The following C10orf95 variants were observed in gnomAD, a reference collection of about 807,000 sequenced individuals.
C10orf95 encodes the protein chromosome 10 open reading frame 95, also known as uncharacterized protein C10orf95.
For missense variants in C10orf95, 412 were observed against 327.4 expected (o/e 1.26, Z -1.99); for synonymous variants, 188 against 160.4 (o/e 1.17, Z -1.30).
In C10orf95 at chr10:102,449,948, T is replaced by C. The variant is rs1001645490; in HGVS notation, c.*504A>G. On this transcript the variant is annotated 3_prime_UTR_variant, in exon 2 of 2. Coordinates refer to ENST00000625129, the MANE Select transcript of C10orf95 (RefSeq NM_001363580.1). The stretch of plus-strand genomic sequence containing the variant: ...CAGTGCTGGGATTCCAGGCGTGAGC[T>C]ACCGCGCCCGGCCTATTTACTTTTC... 6.6e-5 allele frequency: 14 copies of C among 212,272 alleles called. No homozygotes were observed. Among genetic ancestry groups the C allele is most frequent in the Non-Finnish European group, 1.2e-4 (12 of 99,114 alleles). The allele number at this position is 212,272 out of a possible 1,614,324, so 13.1% of individuals were successfully genotyped here.
rs2061687952 is a variant in C10orf95 at position 102,450,855 on chromosome 10, G to C, written c.239C>G (p.Ala80Gly). Reference protein sequence around the residue: ...AAPPWWACPPAYATTLRRPCA... With the variant: ...AAPPWWACPPGYATTLRRPCA... The stretch of plus-strand genomic sequence containing the variant: ...GGGCCGGCGCAGGGTCGTGGCGTAG[G>C]CCGGAGGGCAGGCCCACCAGGGCGG... Residue 80 changes from alanine to glycine, a missense_variant, in exon 2 of 2, where the codon GCC (alanine) becomes GGC (glycine). By Grantham distance (60) the Ala-to-Gly change is moderately conservative. Coordinates refer to ENST00000625129, the MANE Select transcript of C10orf95 (RefSeq NM_001363580.1). The C allele has an allele frequency of 8.1e-7, 1 of 1,235,718 alleles. No individual in the cohort carries two copies. The highest frequency in any genetic ancestry group is 4.2e-5 in the Admixed American group (1 of 23,562). The allele number at this position is 1,235,718 out of a possible 1,614,324, so 76.5% of individuals were successfully genotyped here.
chr10:102,451,334 A>G (rs1432681340), intron 1 of C10orf95, 52 bp downstream of exon 1: 2 of 1,547,916 alleles, frequency 1.3e-6, no homozygotes, highest in African/African-American at 2.7e-5. Flanking sequence ...GACAATAAGG[A>G]GCCTTTTCAA....
rs2061682022 is a variant in C10orf95 at position 102,450,078 on chromosome 10, G to A, written c.*374C>T. Reference sequence around the variant, plus strand: ...GACGACTCTGATAGAGGGAAAAGAGGAAGGGAAAGTTGGGGCTTACTGCAG... The same window carrying A: ...GACGACTCTGATAGAGGGAAAAGAGAAAGGGAAAGTTGGGGCTTACTGCAG... On this transcript the variant is annotated 3_prime_UTR_variant, in exon 2 of 2. Transcript: ENST00000625129. The A allele has an allele frequency of 3.4e-6, 1 of 294,820 alleles. No homozygotes were observed. Among genetic ancestry groups the A allele is most frequent in the Admixed American group, 4.2e-5 (1 of 24,088 alleles). 18.3% of individuals were successfully genotyped at this position (294,820 alleles called of 1,614,324 possible).
Position 102,450,421 on chromosome 10 carries a change from C to G in C10orf95, c.*31G>C, listed in dbSNP as rs1432694413. The G allele has an allele frequency of 1.3e-6, 2 of 1,527,606 alleles. No individual in the cohort carries two copies. The highest frequency in any genetic ancestry group is 2.0e-5 in the Admixed American group (1 of 50,726). The allele number at this position is 1,527,606 out of a possible 1,614,324, so 94.6% of individuals were successfully genotyped here. ...CACAGGAAAGAGCCAAGCGCGTGCA[C>G]GCGGGCCCGCCCCTAGGCCTTGCGG... is the stretch of plus-strand genomic sequence containing the variant. On this transcript the variant is annotated 3_prime_UTR_variant, in exon 2 of 2. Transcript: ENST00000625129.
chr10:102,451,378 C>A lies in C10orf95; in HGVS notation c.-55+8G>T. ...CCGGGATGCTCTTCCCAGTGACTCC[C>A]CACTCACTTGTCTCCTTCAGCCTTG... On this transcript the variant is annotated splice_region_variant and intron_variant, in intron 1 of 1. Coordinates refer to ENST00000625129, the MANE Select transcript of C10orf95 (RefSeq NM_001363580.1). The A allele has an allele frequency of 6.4e-7, 1 of 1,554,976 alleles. No homozygotes were observed. The highest frequency in any genetic ancestry group is 8.7e-7 in the Non-Finnish European group (1 of 1,145,164).
chr10:102,451,279 C>G, intron 1 of C10orf95, 107 bp downstream of exon 1: 1 of 1,437,820 alleles, frequency 7.0e-7, no homozygotes, highest in South Asian at 1.4e-5. Flanking sequence ...AGCTCCCCGC[C>G]TAGCCTCTTG....
Position 102,450,123 on chromosome 10 carries a change from G to C in C10orf95, c.*329C>G. 2.4e-6 allele frequency: 1 copy of C among 421,554 alleles called. No homozygotes were observed. The highest frequency in any genetic ancestry group is 4.6e-6 in the Non-Finnish European group (1 of 218,370). 26.1% of individuals were successfully genotyped at this position (421,554 alleles called of 1,614,324 possible). ...CTGCAGGGCAAGCTCCTTAGGAGAA[G>C]GTGGGGAGGAGGAAGGAGGGAGGTC... On this transcript the variant is annotated 3_prime_UTR_variant, in exon 2 of 2. Transcript: ENST00000625129.
At position 102,450,476 on chromosome 10, in the gene C10orf95, G is replaced by C; in HGVS notation, c.618C>G (p.Pro206=). The part of the protein sequence containing the change: ...PAREAAERGR[P]RKSKGLS Reference sequence around the variant, plus strand: ...TTCAGCTCAGGCCCTTGCTCTTCCTGGGGCGGCCGCGCTCCGCGGCTTCCC... The same window carrying C: ...TTCAGCTCAGGCCCTTGCTCTTCCTCGGGCGGCCGCGCTCCGCGGCTTCCC... The change falls in exon 2 of 2, where the codon CCC becomes CCG. Residue 206 remains proline (P), a synonymous_variant. Transcript: ENST00000625129. 1 of 1,465,142 alleles carries C rather than the reference G, an allele frequency of 6.8e-7. No homozygotes were observed. 90.8% of individuals were successfully genotyped at this position (1,465,142 alleles called of 1,614,324 possible).
At position 102,450,265 on chromosome 10, in the gene C10orf95, G is replaced by T. The variant is rs1396696336; in HGVS notation, c.*187C>A. On this transcript the variant is annotated 3_prime_UTR_variant, in exon 2 of 2. Coordinates refer to ENST00000625129, the MANE Select transcript of C10orf95 (RefSeq NM_001363580.1). ...GCACTTGCCCTTCTCCCACCGTCCA[G>T]CAATAAAGCGAGAGAAACAAGTGCA... The T allele has an allele frequency of 1.4e-6, 1 of 728,890 alleles. No individual in the cohort carries two copies. Among genetic ancestry groups the T allele is most frequent in the Non-Finnish European group, 2.4e-6 (1 of 414,704 alleles). The allele number at this position is 728,890 out of a possible 1,614,324, so 45.2% of individuals were successfully genotyped here. A position where few individuals can be genotyped will look rare whatever the true frequency, so the allele number is the denominator to read the frequency against.
In C10orf95 at chr10:102,450,901, C is replaced by G; in HGVS notation, c.193G>C (p.Ala65Pro). 1 of 1,236,216 alleles carries G rather than the reference C, an allele frequency of 8.1e-7. No homozygotes were observed. The highest frequency in any genetic ancestry group is 1.0e-6 in the Non-Finnish European group (1 of 990,684). The allele number at this position is 1,236,216 out of a possible 1,614,324, so 76.6% of individuals were successfully genotyped here. A position where few individuals can be genotyped will look rare whatever the true frequency, so the allele number is the denominator to read the frequency against. ...GGCGGCGCGGCCTCGGGTGGCGCGG[C>G]GGGGCCGTAGAAGCGGTGGTATTCC... ...PREYHRFYGPAAPPEAAPPWW... is the reference protein window; with the variant it reads ...PREYHRFYGPPAPPEAAPPWW... Residue 65 changes from alanine to proline, a missense_variant, in exon 2 of 2, where the codon GCC (alanine) becomes CCC (proline). Transcript: ENST00000625129.
chr10:102,451,032 A>G lies in C10orf95; in HGVS notation c.62T>C (p.Leu21Pro). The G allele has an allele frequency of 1.5e-6, 2 of 1,360,938 alleles. No individual in the cohort carries two copies. Among genetic ancestry groups the G allele is most frequent in the Middle Eastern group, 2.0e-4 (1 of 4,926 alleles). The allele number at this position is 1,360,938 out of a possible 1,614,324, so 84.3% of individuals were successfully genotyped here. The change falls in exon 2 of 2, where the codon CTC becomes CCC. Residue 21 changes from leucine to proline, a missense_variant. Leu to Pro is a moderately conservative substitution (Grantham distance 98). Coordinates refer to ENST00000625129, the MANE Select transcript of C10orf95 (RefSeq NM_001363580.1). ...AGGGGCGGCCAGGTAGGTGCAGGTGAGCAGCTGCGGCGGCGGCGGCCAGAC... is the reference window on the plus strand; with the variant it reads ...AGGGGCGGCCAGGTAGGTGCAGGTGGGCAGCTGCGGCGGCGGCGGCCAGAC... ...QGVWPPPPQL[L>P]TCTYLAAPLL...
chr10:102,450,655 G>A lies in C10orf95; in HGVS notation c.439C>T (p.Arg147Cys). 2.4e-6 allele frequency: 3 copies of A among 1,226,224 alleles called. No homozygotes were observed. The highest frequency in any genetic ancestry group is 3.0e-6 in the Non-Finnish European group (3 of 984,870). 76.0% of individuals were successfully genotyped at this position (1,226,224 alleles called of 1,614,324 possible). ...GCGCGGGGGTAGGTGCCGTACGCGC[G>A]CCGCAGCTCCCGGCGCACGAAGTCC... ...LPDFVRRELR[R>C]AYGTYPRADV... The change falls in exon 2 of 2, where the codon CGC becomes TGC. Residue 147 changes from arginine (R) to cysteine (C), a missense_variant. Arg to Cys is a radical substitution (Grantham distance 180). Transcript: ENST00000625129.
chr10:102,450,390 G>C lies in C10orf95; in HGVS notation c.*62C>G. 1.3e-6 allele frequency: 2 copies of C among 1,490,820 alleles called. No homozygotes were observed. The highest frequency in any genetic ancestry group is 1.8e-6 in the Non-Finnish European group (2 of 1,108,774). The allele number at this position is 1,490,820 out of a possible 1,614,324, so 92.3% of individuals were successfully genotyped here. On this transcript the variant is annotated 3_prime_UTR_variant, in exon 2 of 2. Transcript: ENST00000625129. ...GGGCTCACTTCTGCCTGTCGGCGGC[G>C]GCACACACAGGAAAGAGCCAAGCGC...
In C10orf95 at chr10:102,450,650, C is replaced by G; in HGVS notation, c.444G>C (p.Ala148=). The change falls in exon 2 of 2, where the codon GCG becomes GCC. Residue 148 remains alanine (A), a synonymous_variant. Transcript: ENST00000625129. ...PDFVRRELRR[A]YGTYPRADVR... Reference sequence around the variant, plus strand: ...CGTCGGCGCGGGGGTAGGTGCCGTACGCGCGCCGCAGCTCCCGGCGCACGA... The same window carrying G: ...CGTCGGCGCGGGGGTAGGTGCCGTAGGCGCGCCGCAGCTCCCGGCGCACGA... 8.1e-7 allele frequency: 1 copy of G among 1,228,712 alleles called. No homozygotes were observed. Among genetic ancestry groups the G allele is most frequent in the Non-Finnish European group, 1.0e-6 (1 of 986,486 alleles). The allele number at this position is 1,228,712 out of a possible 1,614,324, so 76.1% of individuals were successfully genotyped here. A position where few individuals can be genotyped will look rare whatever the true frequency, so the allele number is the denominator to read the frequency against.
rs981964897 is a variant in C10orf95 at position 102,450,383 on chromosome 10, C to T, written c.*69G>A. On this transcript the variant is annotated 3_prime_UTR_variant, in exon 2 of 2. Coordinates refer to ENST00000625129, the MANE Select transcript of C10orf95 (RefSeq NM_001363580.1). ...CAGGTGAGGGCTCACTTCTGCCTGT[C>T]GGCGGCGGCACACACAGGAAAGAGC... The T allele has an allele frequency of 2.0e-6, 3 of 1,470,940 alleles. No homozygotes were observed. In the African/African-American group the frequency reaches 4.2e-5, roughly 21 times the overall value. The allele number at this position is 1,470,940 out of a possible 1,614,324, so 91.1% of individuals were successfully genotyped here.
In C10orf95 at chr10:102,451,510, A is replaced by G; in HGVS notation, c.-179T>C. 2.9e-6 allele frequency: 4 copies of G among 1,362,580 alleles called. No homozygotes were observed. The highest frequency in any genetic ancestry group is 1.5e-5 in the African/African-American group (1 of 68,148). 84.4% of individuals were successfully genotyped at this position (1,362,580 alleles called of 1,614,324 possible). A position where few individuals can be genotyped will look rare whatever the true frequency, so the allele number is the denominator to read the frequency against. On this transcript the variant is annotated 5_prime_UTR_variant, in exon 1 of 2. Transcript: ENST00000625129. ...TCCTCCTGGTTACCAGGCAAAAGGA[A>G]ACACCTTGAGCTGGCCAGGAGCTAC... is the stretch of plus-strand genomic sequence containing the variant.
In C10orf95 at chr10:102,450,733, C is replaced by G. The variant is rs1286175420; in HGVS notation, c.361G>C (p.Glu121Gln). Residue 121 changes from glutamate (E) to glutamine (Q), a missense_variant, in exon 2 of 2, where the codon GAG becomes CAG. Transcript: ENST00000625129. ...CGCTCCACGCGGCCCCAGCGCAGCT[C>G]GGTTTGCAGGCTCCCGCCCTCCGGC... is the stretch of plus-strand genomic sequence containing the variant. ...PWPEGGSLQT[E>Q]LRWGRVERAR... is the part of the protein sequence containing the mutation. The G allele has an allele frequency of 7.6e-6, 10 of 1,316,498 alleles. No individual in the cohort carries two copies. Among genetic ancestry groups the G allele is most frequent in the Middle Eastern group, 2.9e-4 (1 of 3,398 alleles). 81.6% of individuals were successfully genotyped at this position (1,316,498 alleles called of 1,614,324 possible).
In C10orf95 at chr10:102,451,028, G is replaced by C. The variant is rs930701254; in HGVS notation, c.66C>G (p.Thr22=). 2.2e-6 allele frequency: 3 copies of C among 1,361,920 alleles called. No individual in the cohort carries two copies. The highest frequency in any genetic ancestry group is 3.0e-5 in the African/African-American group (2 of 67,124). 84.4% of individuals were successfully genotyped at this position (1,361,920 alleles called of 1,614,324 possible). Residue 22 remains threonine, a synonymous_variant, in exon 2 of 2, where the codon ACC becomes ACG. Coordinates refer to ENST00000625129, the MANE Select transcript of C10orf95 (RefSeq NM_001363580.1). Reference sequence around the variant, plus strand: ...GCAGAGGGGCGGCCAGGTAGGTGCAGGTGAGCAGCTGCGGCGGCGGCGGCC... The same window carrying C: ...GCAGAGGGGCGGCCAGGTAGGTGCACGTGAGCAGCTGCGGCGGCGGCGGCC... The part of the protein sequence containing the change: ...GVWPPPPQLL[T]CTYLAAPLLL...
In C10orf95 at chr10:102,451,539, C is replaced by A. The variant is rs776851807; in HGVS notation, c.-208G>T. On this transcript the variant is annotated 5_prime_UTR_variant, in exon 1 of 2. Coordinates refer to ENST00000625129, the MANE Select transcript of C10orf95 (RefSeq NM_001363580.1). ...CCTTGAGCTGGCCAGGAGCTACCAG[C>A]GTCTGTCTACACCTGGGTGAGCCGT... is the stretch of plus-strand genomic sequence containing the variant. 3 of 1,291,014 alleles carry A rather than the reference C, an allele frequency of 2.3e-6. No homozygotes were observed. The highest frequency in any genetic ancestry group is 3.1e-6 in the Non-Finnish European group (3 of 979,254). The allele number at this position is 1,291,014 out of a possible 1,614,324, so 80.0% of individuals were successfully genotyped here. A position where few individuals can be genotyped will look rare whatever the true frequency, so the allele number is the denominator to read the frequency against.
Sources: gnomAD v4.1 joint callset for allele counts on GRCh38, gnomAD v4.1.1 for gene constraint, MANE v1.5 for transcripts, NCBI Gene and HGNC (gene_info 2026-07-23, HGNC 2026-07-21) for gene names.